The following PRKG1 variants were observed in gnomAD, a reference collection of about 807,000 sequenced individuals.
PRKG1 encodes protein kinase cGMP-dependent 1.
PRKG1 carries 35 observed loss-of-function variants against 88.1 expected under a neutral mutation model. The observed-to-expected ratio is 0.40, with a 90% CI of 0.30 to 0.53. PRKG1 has a LOEUF of 0.53. Ranked by LOEUF, PRKG1 falls within the 20% of genes least tolerant of loss-of-function variation. The pLI, the probability that PRKG1 is intolerant of heterozygous loss-of-function variation, is 0.59. For missense variants in PRKG1, 540 were observed against 839.8 expected, an observed-to-expected ratio of 0.64 and a Z score of 4.41; for synonymous variants, 303 against 292.5, an observed-to-expected ratio of 1.04 and a Z score of -0.37.
intron 9 of PRKG1, chr10:52,184,564 A>C (rs1291015364): frequency 6.6e-6 from 1 of 152,148 alleles, no homozygotes; most frequent in Non-Finnish European, 1.5e-5. Context: ...AAAATAAGGG[A>C]TTTTTAATCT....
intron 2 of PRKG1, among the ~76,000 whole-genome samples, chr10:51,226,490 T>C (rs1838697469): frequency 6.6e-6 from 1 of 152,200 alleles, no homozygotes; most frequent in South Asian, 2.1e-4. Flanking sequence ...AGCTGAGTGA[T>C]AATTTTGTTA....
chr10:51,010,282 A>G (rs1003674795), intron 1 of PRKG1, among the ~76,000 whole-genome samples: 3 of 152,272 alleles, frequency 2.0e-5, no homozygotes, highest in African/African-American at 7.2e-5. Flanking sequence ...CATTAATGGC[A>G]TCTCACTCAG....
chr10:51,741,384 G>T (rs1311972709), intron 3 of PRKG1, among the ~76,000 whole-genome samples: 1 of 151,900 alleles, frequency 6.6e-6, no homozygotes, highest in Non-Finnish European at 1.5e-5. Context: ...TTTAATTTTG[G>T]GGGTCCATTT....
intron 3 of PRKG1, among the ~76,000 whole-genome samples, chr10:51,746,783 A>G (rs571107966): frequency 1.3e-5 from 2 of 152,156 alleles, no homozygotes; most frequent in East Asian, 1.9e-4. Context: ...AAGAAAAGAA[A>G]AAAGAAAGCA....
intron 2 of PRKG1, among the ~76,000 whole-genome samples, chr10:51,399,685 C>G (rs1391687220): frequency 6.6e-6 from 1 of 152,188 alleles, no homozygotes; most frequent in Admixed American, 6.5e-5. Flanking sequence ...TTTGAACAAC[C>G]TGAGGCACAT....
intron 3 of PRKG1, among the ~76,000 whole-genome samples, chr10:51,780,584 C>T (rs188310713): frequency 2.0e-5 from 3 of 152,210 alleles, no homozygotes; most frequent in Admixed American, 6.5e-5. Context: ...TTTATAAAAT[C>T]GTAAGTAACT....
In PRKG1 at chr10:51,723,969, T is replaced by C. The variant is rs577370095; in HGVS notation, c.593-80616T>C. On this transcript the variant is annotated intron_variant, in intron 3 of 17. Transcript: ENST00000373980. The stretch of plus-strand genomic sequence containing the variant: ...GTGGACTTGTGGACTTAATTTTAGG[T>C]GCCAACTTAACTGGATAAAAGAATA... Among the ~76,000 whole-genome samples, 10 of 152,262 alleles carry C rather than the reference T, an allele frequency of 6.6e-5. No homozygotes were observed. In the South Asian group the frequency reaches 2.1e-3, roughly 32 times the overall value.
intron 1 of PRKG1, among the ~76,000 whole-genome samples, chr10:51,090,192 C>G (rs894853513): frequency 6.6e-6 from 1 of 152,210 alleles, no homozygotes; most frequent in Non-Finnish European, 1.5e-5. Flanking sequence ...GCTCAATAAA[C>G]AGTTGCTGTT....
chr10:52,074,282 C>G (rs1589582071), intron 7 of PRKG1, among the ~76,000 whole-genome samples: 1 of 152,188 alleles, frequency 6.6e-6, no homozygotes. Context: ...AAGCTAAGGG[C>G]CCGCTTACAT....
intron 2 of PRKG1, among the ~76,000 whole-genome samples, chr10:51,301,666 T>A (rs572005064): frequency 2.0e-5 from 3 of 152,280 alleles, no homozygotes; most frequent in African/African-American, 7.2e-5. Flanking sequence ...GGGATGGCAG[T>A]CAATGGAAGC....
intron 1 of PRKG1, among the ~76,000 whole-genome samples, chr10:51,119,711 T>A (rs1845215596): frequency 1.3e-5 from 2 of 152,088 alleles, no homozygotes; most frequent in African/African-American, 4.8e-5. Context: ...AAGACAAATC[T>A]TTCCATTTTA....
chr10:51,598,420 C>T (rs1005512347), intron 3 of PRKG1, among the ~76,000 whole-genome samples: 2 of 152,146 alleles, frequency 1.3e-5, no homozygotes, highest in Admixed American at 1.3e-4. Context: ...ACTACAGGTG[C>T]GTGCCACCAT....
chr10:51,434,038 T>C (rs1838850344), intron 2 of PRKG1, among the ~76,000 whole-genome samples: 1 of 152,120 alleles, frequency 6.6e-6, no homozygotes, highest in Admixed American at 6.6e-5. Context: ...ACTCAAAGCC[T>C]GGTTTTCTGA....
At chr10:51,873,137 T>G (rs1841202727) in intron 4 of PRKG1, among the ~76,000 whole-genome samples, 1 of 152,164 alleles carries the variant, frequency 6.6e-6, no homozygotes, top group Non-Finnish European at 1.5e-5. Context: ...GATCCAGTCC[T>G]TCTTTCTGTC....
At chr10:51,809,876 A>G (rs1839408105) in intron 4 of PRKG1, among the ~76,000 whole-genome samples, 1 of 151,814 alleles carries the variant, frequency 6.6e-6, no homozygotes, top group African/African-American at 2.4e-5. Context: ...ACTCTTCCAG[A>G]CTCATCTCAC....
intron 1 of PRKG1, among the ~76,000 whole-genome samples, chr10:50,994,231 C>G (rs371898074): frequency 6.3e-4 from 96 of 152,062 alleles, no homozygotes; most frequent in African/African-American, 2.1e-3. Flanking sequence ...AGAGACAGTA[C>G]TAAATTGTCC....
At chr10:51,005,363 T>C (rs952329425) in intron 1 of PRKG1, among the ~76,000 whole-genome samples, 1 of 152,186 alleles carries the variant, frequency 6.6e-6, no homozygotes, top group African/African-American at 2.4e-5. Flanking sequence ...TTATAGTGCC[T>C]CTTGCTTTGA....
At chr10:51,235,076 G>A (rs909577118) in intron 2 of PRKG1, among the ~76,000 whole-genome samples, 5 of 152,146 alleles carry the variant, frequency 3.3e-5, no homozygotes, top group Non-Finnish European at 5.9e-5. Context: ...TGGCAAGAGT[G>A]TTAGAGAGCA....
At chr10:51,195,520 A>T (rs1589235034) in intron 2 of PRKG1, among the ~76,000 whole-genome samples, 1 of 152,184 alleles carries the variant, frequency 6.6e-6, no homozygotes, top group Non-Finnish European at 1.5e-5. Flanking sequence ...CTCTTCAAAA[A>T]TAAGGATGAG....
Sources: allele counts gnomAD v4.1 joint callset (sites outside exome capture counted in the v4.1 genomes callset), GRCh38; gene constraint gnomAD v4.1.1; transcripts MANE v1.5; gene names NCBI Gene and HGNC (gene_info 2026-07-23, HGNC 2026-07-21).